Variants in FAM184B observed in about 807,000 individuals in gnomAD.
The protein encoded by FAM184B is family with sequence similarity 184 member B.
Under a neutral mutation model 135.9 loss-of-function variants are expected in FAM184B, and 111 were observed. The observed-to-expected ratio is 0.82, with a 90% CI of 0.70 to 0.96. FAM184B has a LOEUF of 0.96. Ranked by LOEUF, FAM184B falls within the 40% of genes least tolerant of loss-of-function variation. The pLI, the probability that FAM184B is intolerant of heterozygous loss-of-function variation, is 0.00. For missense variants in FAM184B, 1,375 were observed against 1,323.9 expected, an observed-to-expected ratio of 1.04 and a Z score of -0.60; for synonymous variants, 552 against 524.8, an observed-to-expected ratio of 1.05 and a Z score of -0.71.
intron 1 of FAM184B, among the ~76,000 whole-genome samples, chr4:17,770,589 G>A (rs12646266): frequency 0.38 from 57,593 of 151,800 alleles, 12,840 homozygotes; most frequent in Non-Finnish European, 0.51. Flanking sequence ...TCAGTCTCCC[G>A]AGTAGCTGAG....
chr4:17,743,712 A>G (rs1718095712), intron 1 of FAM184B, among the ~76,000 whole-genome samples: 1 of 152,246 alleles, frequency 6.6e-6, no homozygotes, highest in Non-Finnish European at 1.5e-5. Flanking sequence ...CAGTTTCTAG[A>G]GTCTGCGTAG....
chr4:17,714,184 G>A (rs866735553), intron 1 of FAM184B, among the ~76,000 whole-genome samples: 24 of 152,220 alleles, frequency 1.6e-4, no homozygotes, highest in Middle Eastern at 6.8e-3. Flanking sequence ...AAGGATTCAC[G>A]CTTTCCTTCC....
intron 7 of FAM184B, among the ~76,000 whole-genome samples, chr4:17,683,235 G>T (rs1716488854): frequency 6.6e-6 from 1 of 152,158 alleles, no homozygotes; most frequent in Non-Finnish European, 1.5e-5. Context: ...TGTTGCTGGT[G>T]GGGGCACAGA....
chr4:17,764,122 G>C lies in FAM184B; in HGVS notation c.141+17037C>G, dbSNP rs1718604412. ...CCAAGACCCATGGGTAAACTAAACA[G>C]GCTAACATCTGTCACTCGTTTTCAA... On this transcript the variant is annotated intron_variant, in intron 1 of 17. Transcript: ENST00000265018. Among the ~76,000 whole-genome samples the C allele has an allele frequency of 3.3e-5, 5 of 152,224 alleles. No individual in the cohort carries two copies. The South Asian group carries it at 1.0e-3, about 32-fold the overall frequency.
chr4:17,733,103 A>G (rs1226387193), intron 1 of FAM184B, among the ~76,000 whole-genome samples: 1 of 152,164 alleles, frequency 6.6e-6, no homozygotes, highest in Non-Finnish European at 1.5e-5. Flanking sequence ...TTATCTCAAT[A>G]GATGCAGAAA....
rs1714862510 is a variant in FAM184B, at chr4:17,629,508, C to T, written c.*3024G>A. 1 of 152,158 alleles carries T rather than the reference C, an allele frequency of 6.6e-6. No individual in the cohort carries two copies. The highest frequency in any genetic ancestry group is 1.5e-5 in the Non-Finnish European group (1 of 68,028). 9.4% of individuals were successfully genotyped at this position (152,158 alleles called of 1,614,324 possible). A position where few individuals can be genotyped will look rare whatever the true frequency, so the allele number is the denominator to read the frequency against. On this transcript the variant is annotated 3_prime_UTR_variant, in exon 18 of 18. Transcript: ENST00000265018. ...CATTGACTGGGTGAATCCATTTTTA[C>T]CTACCCCAATTACAAAACAGTTTGC...
chr4:17,642,256 T>C (rs1480779212), intron 12 of FAM184B, 28 bp from the exon 13 acceptor site: 9 of 1,449,812 alleles, frequency 6.2e-6, no homozygotes, highest in Non-Finnish European at 8.1e-6. Context: ...GAGAGGTGTT[T>C]TCAGGAGGCG....
chr4:17,700,559 C>A (rs1322929266), intron 5 of FAM184B, among the ~76,000 whole-genome samples: 1 of 152,180 alleles, frequency 6.6e-6, no homozygotes, highest in Non-Finnish European at 1.5e-5. Context: ...AGATTTCAAT[C>A]TTCCTCTCTC....
intron 1 of FAM184B, among the ~76,000 whole-genome samples, chr4:17,720,864 G>A (rs1299274416): frequency 3.9e-5 from 5 of 126,720 alleles, no homozygotes; most frequent in African/African-American, 1.5e-4. Flanking sequence ...CTAGCCTGGT[G>A]ACAGAGAAAG....
chr4:17,666,904 G>T (rs898297646), intron 7 of FAM184B, among the ~76,000 whole-genome samples: 2 of 151,574 alleles, frequency 1.3e-5, no homozygotes, highest in African/African-American at 4.9e-5. Flanking sequence ...ATAGCAGGGG[G>T]ACCACTCTCT....
chr4:17,748,859 C>T (rs768277765), intron 1 of FAM184B, among the ~76,000 whole-genome samples: 10 of 151,898 alleles, frequency 6.6e-5, no homozygotes, highest in Non-Finnish European at 1.3e-4. Flanking sequence ...GATGGGGTTT[C>T]ACTCATCACC....
chr4:17,709,641 T>A lies in FAM184B; in HGVS notation c.145A>T (p.Ile49Phe). ...TCCTGGCGGGTGTTCAGGGCATAAA[T>A]CACCTGCAGGAAAATCAACAGAGCC... ...CKKIAQLTKVIYALNTRQDEA... is the reference protein window; with the variant it reads ...CKKIAQLTKVFYALNTRQDEA... The change falls in exon 2 of 18, where the codon ATT becomes TTT. Residue 49 changes from isoleucine to phenylalanine, a missense_variant. Ile to Phe is a conservative substitution (Grantham distance 21). Coordinates refer to ENST00000265018, the MANE Select transcript of FAM184B (RefSeq NM_015688.2). 6.7e-7 allele frequency: 1 copy of A among 1,491,910 alleles called. No individual in the cohort carries two copies. The highest frequency in any genetic ancestry group is 8.9e-7 in the Non-Finnish European group (1 of 1,121,546). The allele number at this position is 1,491,910 out of a possible 1,614,324, so 92.4% of individuals were successfully genotyped here.
rs946956091 is a variant in FAM184B at position 17,709,103 on chromosome 4, T to C, written c.683A>G (p.Glu228Gly). The change falls in exon 2 of 18, where the codon GAA (glutamate) becomes GGA (glycine). Residue 228 changes from glutamate (E) to glycine (G), a missense_variant. Glu to Gly is a moderately conservative substitution (Grantham distance 98). Transcript: ENST00000265018. ...AEELQATYER[E>G]NEAIRQAMQQ... is the part of the protein sequence containing the mutation. ...CATGGCCTGCCGGATGGCCTCGTTT[T>C]CCCTCTCGTAGGTGGCCTGCAGCTC... 17 of 1,549,544 alleles carry C rather than the reference T, an allele frequency of 1.1e-5. No individual in the cohort carries two copies. Among genetic ancestry groups the C allele is most frequent in the Middle Eastern group, 1.7e-4 (1 of 5,992 alleles).
intron 1 of FAM184B, among the ~76,000 whole-genome samples, chr4:17,731,223 T>A (rs182518208): frequency 2.0e-5 from 3 of 152,170 alleles, no homozygotes; most frequent in Non-Finnish European, 4.4e-5. Context: ...TGCAAAAACA[T>A]GCCAAAATGT....
rs71167316 is a variant in FAM184B at position 17,641,461 on chromosome 4, CTTTTTTTTTTTTTTTTT to C, written c.2519+578_2519+594del. ...TGCAGGGAAACAAACAGGACTCCCT[CTTTTTTTTTTTTTTTTT>C]TTTTTTTTTTTTTTTTTTGAGACGG... On this transcript the variant is annotated intron_variant, in intron 13 of 17. Transcript: ENST00000265018. Among the ~76,000 whole-genome samples, 50 of 45,700 alleles carry C rather than the reference CTTTTTTTTTTTTTTTTT, an allele frequency of 1.1e-3. No homozygotes were observed. In the East Asian group the frequency reaches 0.026, roughly 24 times the overall value. 30.0% of individuals were successfully genotyped at this position (45,700 alleles called of 152,430 possible). A position where few individuals can be genotyped will look rare whatever the true frequency, so the allele number is the denominator to read the frequency against.
At chr4:17,739,571 T>TTTTTTTTTTTTTTTTTTTTTGGG in intron 1 of FAM184B, among the ~76,000 whole-genome samples, 1 of 143,636 alleles carries the variant, frequency 7.0e-6, no homozygotes, top group Admixed American at 7.2e-5. Context: ...TTTTTTTTTT[T>TTTTTTTTTTTTTTTTTTTTTGGG]GAGATGGGGT....
At chr4:17,748,219 G>C (rs1718217689) in intron 1 of FAM184B, among the ~76,000 whole-genome samples, 1 of 151,910 alleles carries the variant, frequency 6.6e-6, no homozygotes, top group Non-Finnish European at 1.5e-5. Context: ...CTGTGACACG[G>C]TGGGGTGTCC....
intron 7 of FAM184B, among the ~76,000 whole-genome samples, chr4:17,680,829 T>C (rs555639694): frequency 6.6e-6 from 1 of 152,376 alleles, no homozygotes; most frequent in South Asian, 2.1e-4. Flanking sequence ...CTTCCAGTTA[T>C]TTAACCTTTT....
chr4:17,648,519 AT>A (rs5856440), intron 11 of FAM184B, among the ~76,000 whole-genome samples: 81,500 of 144,302 alleles, frequency 0.56, 23,634 homozygotes, highest in East Asian at 0.88. Context: ...TAATTTTTGT[AT>A]TTTTTTTTTT....
Sources: allele counts gnomAD v4.1 joint callset (sites outside exome capture counted in the v4.1 genomes callset), GRCh38; gene constraint gnomAD v4.1.1; transcripts MANE v1.5; gene names NCBI Gene and HGNC (gene_info 2026-07-23, HGNC 2026-07-21).